CUL2: variants seen among roughly 807,000 people sequenced by gnomAD.
CUL2 encodes cullin 2.
A neutral mutation model predicts 110.2 loss-of-function variants in CUL2; 22 were observed. The observed-to-expected ratio is 0.20, with a 90% CI of 0.14 to 0.28. CUL2 has a LOEUF of 0.28. Ranked by LOEUF, CUL2 falls within the 10% of genes least tolerant of loss-of-function variation. CUL2 has a pLI of 1.00. For missense variants in CUL2, 631 were observed against 905.5 expected (o/e 0.70, Z 3.89); for synonymous variants, 279 against 293.2 (o/e 0.95, Z 0.49).
intron 2 of CUL2, among the ~76,000 whole-genome samples, chr10:35,099,086 G>C (rs1289770470): frequency 6.6e-6 from 1 of 152,018 alleles, no homozygotes; most frequent in African/African-American, 2.4e-5. Flanking sequence ...GCTAAGGAAG[G>C]TGGTTGATCA....
chr10:35,039,789 G>A (rs889088040), intron 8 of CUL2, among the ~76,000 whole-genome samples: 23 of 152,180 alleles, frequency 1.5e-4, no homozygotes, highest in African/African-American at 5.1e-4. Flanking sequence ...CGGGAGGTGG[G>A]GGTTGTAACG....
At position 35,101,504 on chromosome 10, in the gene CUL2, A is replaced by G. The variant is rs977633134; in HGVS notation, c.-50-444T>C. On this transcript the variant is annotated intron_variant, in intron 1 of 5. Coordinates refer to the CUL2 transcript ENST00000685421. ...TATTCCTGTTTTACTGGAAGCTACA[A>G]TGAAGACTTAAGTGATGGAAGTGTC... 8.5e-5 allele frequency among the ~76,000 whole-genome samples: 13 copies of G among 152,326 alleles called. No homozygotes were observed. The East Asian group carries it at 2.3e-3, about 27-fold the overall frequency.
At chr10:35,071,136 TTC>T in intron 2 of CUL2, 61 bp downstream of exon 2, 1 of 1,505,206 alleles carries the variant, frequency 6.6e-7, no homozygotes, top group South Asian at 1.2e-5. Flanking sequence ...ATTGAACATG[TTC>T]TCAGTTTTCA....
intron 6 of CUL2, 75 bp downstream of exon 6, chr10:35,049,608 C>A (rs1329832986): frequency 2.5e-6 from 3 of 1,217,596 alleles, no homozygotes; most frequent in Admixed American, 2.0e-5. Context: ...ACTGGCTCTG[C>A]AATTGTACAC....
chr10:35,054,491 G>A lies in CUL2; in HGVS notation c.366C>T (p.Asp122=), dbSNP rs751929559. The change falls in exon 5 of 21, where the codon GAC becomes GAT. Residue 122 remains aspartate (D), a synonymous_variant. Coordinates refer to ENST00000374749, the MANE Select transcript of CUL2 (RefSeq NM_003591.4). ...CTACACCACCATAGCCATACTGAAG[G>A]TCCGCTTCTGTTAATTTATTCTTTT... is the stretch of plus-strand genomic sequence containing the variant. ...FIKKNKLTEA[D]LQYGYGGVDM... The A allele has an allele frequency of 6.3e-7, 1 of 1,593,840 alleles. No individual in the cohort carries two copies. Among genetic ancestry groups the A allele is most frequent in the Middle Eastern group, 1.7e-4 (1 of 5,986 alleles).
At chr10:35,085,264 T>TA (rs2087033038) in intron 1 of CUL2, among the ~76,000 whole-genome samples, 1 of 144,690 alleles carries the variant, frequency 6.9e-6, no homozygotes, top group African/African-American at 2.6e-5. Flanking sequence ...CCGTCTCTAC[T>TA]AAAAAAATAC....
At chr10:35,119,924 C>T (rs1280023141) in intron 1 of CUL2, 1 of 152,134 alleles carries the variant, frequency 6.6e-6, no homozygotes, top group Non-Finnish European at 1.5e-5. Flanking sequence ...ATATTGCTCT[C>T]CTAAGCCAGT....
chr10:35,092,140 A>G (rs2087219728), upstream of CUL2, among the ~76,000 whole-genome samples: 1 of 151,434 alleles, frequency 6.6e-6, no homozygotes, highest in African/African-American at 2.4e-5. Flanking sequence ...TTTTTGGTAG[A>G]CATGGGGTCT....
At chr10:35,067,539 T>A (rs1176054687) in intron 2 of CUL2, among the ~76,000 whole-genome samples, 1 of 151,858 alleles carries the variant, frequency 6.6e-6, no homozygotes, top group Non-Finnish European at 1.5e-5. Flanking sequence ...TCACTTAAGA[T>A]CAGAAGTTCA....
At position 35,016,188 on chromosome 10, in the gene CUL2, A is replaced by G; in HGVS notation, c.1887+4T>C. 6.2e-7 allele frequency: 1 copy of G among 1,609,744 alleles called. No individual in the cohort carries two copies. Among genetic ancestry groups the G allele is most frequent in the African/African-American group, 1.3e-5 (1 of 74,934 alleles). Reference sequence around the variant, plus strand: ...CTTAAATTCTTTGGAATATTACTACATACCTTTTCTGAATCATGGTTAATC... The same window carrying G: ...CTTAAATTCTTTGGAATATTACTACGTACCTTTTCTGAATCATGGTTAATC... On this transcript the variant is annotated splice_donor_region_variant and intron_variant, in intron 18 of 20. Transcript: ENST00000374749.
chr10:35,122,008 A>G (rs2087683890), intron 1 of CUL2, among the ~76,000 whole-genome samples: 1 of 152,210 alleles, frequency 6.6e-6, no homozygotes, highest in African/African-American at 2.4e-5. Context: ...ACACATACAC[A>G]ATGGTATTTC....
chr10:35,126,070 T>C (rs546524618), intron 1 of CUL2, among the ~76,000 whole-genome samples: 1 of 152,124 alleles, frequency 6.6e-6, no homozygotes, highest in East Asian at 1.9e-4. Flanking sequence ...GATCTGCCCA[T>C]GTCTGCCTCC....
At chr10:35,124,319 T>G (rs1299399949) in intron 1 of CUL2, among the ~76,000 whole-genome samples, 1 of 152,162 alleles carries the variant, frequency 6.6e-6, no homozygotes, top group Non-Finnish European at 1.5e-5. Flanking sequence ...CAATGGCTCA[T>G]GCCTATAATC....
chr10:35,125,449 A>G (rs1281490473), intron 1 of CUL2, among the ~76,000 whole-genome samples: 1 of 152,232 alleles, frequency 6.6e-6, no homozygotes, highest in African/African-American at 2.4e-5. Context: ...CCTGTTACAG[A>G]GACAATTGTT....
chr10:35,108,705 T>A (rs1268281616), intron 1 of CUL2, among the ~76,000 whole-genome samples: 4 of 152,106 alleles, frequency 2.6e-5, no homozygotes, highest in Non-Finnish European at 4.4e-5. Flanking sequence ...TCTCATGAGA[T>A]TTCAGTCAAA....
At position 35,049,631 on chromosome 10, in the gene CUL2, A is replaced by G. The variant is rs550520179; in HGVS notation, c.506+52T>C. The G allele has an allele frequency of 3.8e-5, 56 of 1,475,534 alleles. No homozygotes were observed. The East Asian group carries it at 1.0e-3, about 27-fold the overall frequency. 91.4% of individuals were successfully genotyped at this position (1,475,534 alleles called of 1,614,324 possible). A position where few individuals can be genotyped will look rare whatever the true frequency, so the allele number is the denominator to read the frequency against. On this transcript the variant is annotated intron_variant, in intron 6 of 20. Coordinates refer to ENST00000374749, the MANE Select transcript of CUL2 (RefSeq NM_003591.4). ...TGCAATTGTACACTATTTTAAAACC[A>G]TATCAAACAACAAAATAAAATTGAC...
At chr10:35,045,751 A>G (rs1268362282) in intron 6 of CUL2, among the ~76,000 whole-genome samples, 1 of 152,026 alleles carries the variant, frequency 6.6e-6, no homozygotes, top group Non-Finnish European at 1.5e-5. Flanking sequence ...ATAAAATAGA[A>G]AAAAAGTTTG....
chr10:35,082,394 G>A lies in CUL2; in HGVS notation c.-23+7785C>T, dbSNP rs1035814007. Among the ~76,000 whole-genome samples, 4 of 152,170 alleles carry A rather than the reference G, an allele frequency of 2.6e-5. No homozygotes were observed. The East Asian group carries it at 7.7e-4, about 29-fold the overall frequency. Reference sequence around the variant, plus strand: ...GGATGAGATGTTATCAGATGCTGGGGGAAGGGGAAATGGGGAGCTACTGCC... The same window carrying A: ...GGATGAGATGTTATCAGATGCTGGGAGAAGGGGAAATGGGGAGCTACTGCC... On this transcript the variant is annotated intron_variant, in intron 1 of 20. Transcript: ENST00000374749.
chr10:35,092,935 AG>A (rs2087235568), upstream of CUL2, among the ~76,000 whole-genome samples: 5 of 152,310 alleles, frequency 3.3e-5, no homozygotes, highest in South Asian at 1.0e-3. Context: ...ATGTGGCCAG[AG>A]GTCACAAGAT....
Sources: gnomAD v4.1 joint callset for allele counts (sites outside exome capture counted in the v4.1 genomes callset) on GRCh38, gnomAD v4.1.1 for gene constraint, MANE v1.5 for transcripts, NCBI Gene and HGNC (gene_info 2026-07-23, HGNC 2026-07-21) for gene names.